Variants in ATF7IP observed in about 807,000 individuals in gnomAD.
ATF7IP encodes the protein activating transcription factor 7-interacting protein 1.
ATF7IP carries 23 observed loss-of-function variants against 106.4 expected under a neutral mutation model. The ratio of observed to expected loss-of-function variants is 0.22; its 90% CI spans 0.16 to 0.31. The LOEUF (loss-of-function observed/expected upper bound fraction) is 0.31. Among genes scored for constraint, ATF7IP ranks in the 10% least tolerant of loss-of-function variants. ATF7IP has a pLI of 1.00. For synonymous variants in ATF7IP, 542 were observed against 539.0 expected (o/e 1.01, Z -0.08); for missense variants, 1,334 against 1,524.3 (o/e 0.88, Z 2.08).
intron 1 of ATF7IP, among the ~76,000 whole-genome samples, chr12:14,386,200 C>A (rs964933828): frequency 1.1e-4 from 17 of 151,868 alleles, no homozygotes; most frequent in African/African-American, 3.9e-4. Context: ...AAATATAGCT[C>A]AATGATTTTG....
chr12:14,366,812 T>G (rs559985661), intron 1 of ATF7IP, among the ~76,000 whole-genome samples: 1 of 152,078 alleles, frequency 6.6e-6, no homozygotes, highest in South Asian at 2.1e-4. Context: ...TGAGGCCTCT[T>G]TGAAGAAAGT....
intron 1 of ATF7IP, among the ~76,000 whole-genome samples, chr12:14,388,507 C>T (rs757216016): frequency 4.0e-5 from 6 of 151,290 alleles, no homozygotes; most frequent in Non-Finnish European, 5.9e-5. Context: ...TCACCACGCC[C>T]GGCTAATTTT....
At chr12:14,485,174 G>T (rs1296315377) in intron 13 of ATF7IP, among the ~76,000 whole-genome samples, 1 of 152,080 alleles carries the variant, frequency 6.6e-6, no homozygotes, top group Admixed American at 6.6e-5. Context: ...TCAGTAGCAT[G>T]GACCTGTTGC....
At position 14,499,331 on chromosome 12, in the gene ATF7IP, C is replaced by CT. The variant is rs542880833; in HGVS notation, c.*1261dup. On this transcript the variant is annotated 3_prime_UTR_variant, in exon 15 of 15. Coordinates refer to ENST00000261168, the MANE Select transcript of ATF7IP (RefSeq NM_018179.5). ...GCTTTTATTTTTGGTCACTATTTAACTTTGTGTAAAGTGGACCAAGAGAAA... is the reference window on the plus strand; with the variant it reads ...GCTTTTATTTTTGGTCACTATTTAACTTTTGTGTAAAGTGGACCAAGAGAAA... The CT allele has an allele frequency of 1.3e-5, 2 of 152,180 alleles. No individual in the cohort carries two copies. The highest frequency in any genetic ancestry group is 2.9e-5 in the Non-Finnish European group (2 of 68,018). 9.4% of individuals were successfully genotyped at this position (152,180 alleles called of 1,614,324 possible). A position where few individuals can be genotyped will look rare whatever the true frequency, so the allele number is the denominator to read the frequency against.
intron 1 of ATF7IP, among the ~76,000 whole-genome samples, chr12:14,390,848 C>G (rs2136434333): frequency 6.6e-6 from 1 of 152,318 alleles, no homozygotes; most frequent in Admixed American, 6.5e-5. Context: ...TAATCTTGAT[C>G]TGACTTAAAT....
At chr12:14,490,881 C>T (rs977076617) in intron 13 of ATF7IP, among the ~76,000 whole-genome samples, 2 of 152,180 alleles carry the variant, frequency 1.3e-5, no homozygotes, top group Admixed American at 1.3e-4. Context: ...GGTCAGAAAG[C>T]ACCCAGTTCA....
chr12:14,392,815 A>G (rs76254020), intron 1 of ATF7IP, among the ~76,000 whole-genome samples: 2 of 152,326 alleles, frequency 1.3e-5, no homozygotes, highest in Non-Finnish European at 2.9e-5. Flanking sequence ...TTTTACATCA[A>G]TCTGATAATG....
chr12:14,417,896 G>A (rs953570225), intron 1 of ATF7IP, among the ~76,000 whole-genome samples: 4 of 152,108 alleles, frequency 2.6e-5, no homozygotes, highest in African/African-American at 9.7e-5. Context: ...AATGCTGGCT[G>A]CTGATTGGCT....
At chr12:14,457,897 C>A (rs1943490042) in intron 8 of ATF7IP, among the ~76,000 whole-genome samples, 2 of 152,048 alleles carry the variant, frequency 1.3e-5, no homozygotes, top group Non-Finnish European at 2.9e-5. Flanking sequence ...GAGTTTGAGA[C>A]CAGCCTGTCC....
rs1007753816 is a variant in ATF7IP, at chr12:14,501,721, T to A, written c.*3648T>A. Reference sequence around the variant, plus strand: ...CATCCCCATTGCCAGATAATAAATATTTTGAGAAAAGTGACCTAAAACAGC... The same window carrying A: ...CATCCCCATTGCCAGATAATAAATAATTTGAGAAAAGTGACCTAAAACAGC... On this transcript the variant is annotated 3_prime_UTR_variant, in exon 15 of 15. Coordinates refer to ENST00000261168, the MANE Select transcript of ATF7IP (RefSeq NM_018179.5). 3 of 152,170 alleles carry A rather than the reference T, an allele frequency of 2.0e-5. No individual in the cohort carries two copies. The highest frequency in any genetic ancestry group is 3.8e-4 in the East Asian group (2 of 5,200). 9.4% of individuals were successfully genotyped at this position (152,170 alleles called of 1,614,324 possible). A position where few individuals can be genotyped will look rare whatever the true frequency, so the allele number is the denominator to read the frequency against.
At chr12:14,479,639 G>T (rs1372575782) in intron 12 of ATF7IP, among the ~76,000 whole-genome samples, 1 of 152,106 alleles carries the variant, frequency 6.6e-6, no homozygotes, top group African/African-American at 2.4e-5. Context: ...TGTTGATGCA[G>T]CAAATGTGTG....
intron 1 of ATF7IP, among the ~76,000 whole-genome samples, chr12:14,399,670 A>G (rs1425683145): frequency 6.8e-6 from 1 of 147,904 alleles, no homozygotes; most frequent in Non-Finnish European, 1.5e-5. Context: ...GCTTCTGGGT[A>G]TATTTCTTAT....
In ATF7IP at chr12:14,466,418, G is replaced by A. The variant is rs980259668; in HGVS notation, c.2798-108G>A. ...GAGTTTTTATTTATGTATGTGACAT[G>A]TTGACGGAAAAGTAGTTGGAGAAAA... is the stretch of plus-strand genomic sequence containing the variant. On this transcript the variant is annotated intron_variant, in intron 9 of 14. Coordinates refer to ENST00000261168, the MANE Select transcript of ATF7IP (RefSeq NM_018179.5). The A allele has an allele frequency of 3.6e-6, 3 of 841,406 alleles. No homozygotes were observed. The African/African-American group carries it at 5.2e-5, about 14-fold the overall frequency. The allele number at this position is 841,406 out of a possible 1,614,324, so 52.1% of individuals were successfully genotyped here.
At chr12:14,473,911 A>G (rs1944156249) in intron 10 of ATF7IP, among the ~76,000 whole-genome samples, 1 of 151,798 alleles carries the variant, frequency 6.6e-6, no homozygotes, top group Non-Finnish European at 1.5e-5. Context: ...GCTCCTGTAT[A>G]ACGTATAATT....
intron 6 of ATF7IP, among the ~76,000 whole-genome samples, chr12:14,449,936 AT>A (rs1279724554): frequency 6.6e-6 from 1 of 151,900 alleles, no homozygotes. Context: ...TAAGTATTTT[AT>A]TCTTTTCGAT....
At chr12:14,423,451 T>G (rs1941640828) in intron 1 of ATF7IP, among the ~76,000 whole-genome samples, 1 of 151,946 alleles carries the variant, frequency 6.6e-6, no homozygotes, top group African/African-American at 2.4e-5. Flanking sequence ...TATGCTTGGT[T>G]GCAAATGTAA....
chr12:14,388,275 C>T (rs578221672), intron 1 of ATF7IP, among the ~76,000 whole-genome samples: 67 of 151,982 alleles, frequency 4.4e-4, no homozygotes, highest in Non-Finnish European at 7.4e-4. Flanking sequence ...GTCTCGAACT[C>T]CTGACCTCAG....
chr12:14,434,442 A>G lies in ATF7IP; in HGVS notation c.1645+19A>G. On this transcript the variant is annotated intron_variant, in intron 3 of 14. Transcript: ENST00000261168. The stretch of plus-strand genomic sequence containing the variant: ...GAGAAAAGTATGCATGTATAAACAA[A>G]CTTGAACTGGATTGAAAAATAATAA... The G allele has an allele frequency of 2.4e-6, 3 of 1,241,704 alleles. No individual in the cohort carries two copies. Among genetic ancestry groups the G allele is most frequent in the Non-Finnish European group, 3.5e-6 (3 of 851,592 alleles). The allele number at this position is 1,241,704 out of a possible 1,614,324, so 76.9% of individuals were successfully genotyped here. A position where few individuals can be genotyped will look rare whatever the true frequency, so the allele number is the denominator to read the frequency against.
chr12:14,400,279 GTT>G (rs1940117281), intron 1 of ATF7IP, among the ~76,000 whole-genome samples: 2 of 152,080 alleles, frequency 1.3e-5, no homozygotes, highest in Non-Finnish European at 2.9e-5. Flanking sequence ...ATTTTTGTGT[GTT>G]TTAAAATATA....
Sources: gnomAD v4.1 joint callset for allele counts (sites outside exome capture counted in the v4.1 genomes callset) on GRCh38, gnomAD v4.1.1 for gene constraint, MANE v1.5 for transcripts, NCBI Gene and HGNC (gene_info 2026-07-23, HGNC 2026-07-21) for gene names.